PDGFB: variants seen among roughly 807,000 people sequenced by gnomAD.
PDGFB encodes the protein platelet derived growth factor subunit B, also known as platelet-derived growth factor subunit B.
PDGFB carries 6 observed loss-of-function variants against 29.0 expected under a neutral mutation model. The ratio of observed to expected loss-of-function variants is 0.21; its 90% CI spans 0.11 to 0.41. The LOEUF (loss-of-function observed/expected upper bound fraction) is 0.41, where lower values mean the gene tolerates loss of function less well. PDGFB is among the 10% of genes least tolerant of loss of function. The pLI is 1.00. For synonymous variants in PDGFB, 144 were observed against 140.8 expected (o/e 1.02, Z -0.16); for missense variants, 299 against 341.8 (o/e 0.87, Z 0.99).
chr22:39,238,930 G>A (rs1304223886), intron 1 of PDGFB, among the ~76,000 whole-genome samples: 4 of 152,242 alleles, frequency 2.6e-5, no homozygotes, highest in East Asian at 1.9e-4. Context: ...GGCACAGGAC[G>A]GCCTTCCCAA....
chr22:39,233,846 G>A (rs1161080281), intron 2 of PDGFB, among the ~76,000 whole-genome samples: 1 of 152,178 alleles, frequency 6.6e-6, no homozygotes, highest in African/African-American at 2.4e-5. Flanking sequence ...CCAGGGCGGG[G>A]CCGGGACCTA....
intron 1 of PDGFB, chr22:39,240,918 T>TGC (rs537103134): frequency 2.5e-5 from 33 of 1,298,018 alleles, no homozygotes; most frequent in Middle Eastern, 1.9e-4. Context: ...CTCTCTCAGA[T>TGC]GCGCACACAC....
chr22:39,234,345 G>C (rs1932388729), intron 2 of PDGFB, among the ~76,000 whole-genome samples: 1 of 152,180 alleles, frequency 6.6e-6, no homozygotes, highest in Non-Finnish European at 1.5e-5. Flanking sequence ...GCCAGAGGTT[G>C]GCTGCTGGGA....
rs1334143515 is a variant in PDGFB, at chr22:39,244,169, GAGGACCTGGGCGC to G, written c.-219_-207del. 3.5e-5 allele frequency: 10 copies of G among 288,750 alleles called. No individual in the cohort carries two copies. The highest frequency in any genetic ancestry group is 6.4e-5 in the Non-Finnish European group (10 of 155,822). The allele number at this position is 288,750 out of a possible 1,614,324, so 17.9% of individuals were successfully genotyped here. ...CCGGCTCCGTCGCTGGGGGGCAGGGGAGGACCTGGGCGCAGGACCTGGGTCCGAGGCCGCTACC... is the reference window on the plus strand; with the variant it reads ...CCGGCTCCGTCGCTGGGGGGCAGGGGAGGACCTGGGTCCGAGGCCGCTACC... On this transcript the variant is annotated 5_prime_UTR_variant, in exon 1 of 7. Coordinates refer to ENST00000331163, the MANE Select transcript of PDGFB (RefSeq NM_002608.4). This position sits in a 1 kb window ranked among gnomAD's most constrained non-coding sequence, Gnocchi z 4.5.
At position 39,223,915 on chromosome 22, in the gene PDGFB, C is replaced by T. The variant is rs989293215; in HGVS notation, c.*1427G>A. 2 of 152,246 alleles carry T rather than the reference C, an allele frequency of 1.3e-5. No individual in the cohort carries two copies. Among genetic ancestry groups the T allele is most frequent in the Non-Finnish European group, 1.5e-5 (1 of 68,034 alleles). 9.4% of individuals were successfully genotyped at this position (152,246 alleles called of 1,614,324 possible). A position where few individuals can be genotyped will look rare whatever the true frequency, so the allele number is the denominator to read the frequency against. The stretch of plus-strand genomic sequence containing the variant: ...TGGGGATCTTTTCCCTTCTCTCCCC[C>T]ATTCCCAGCCCACGAGCTGGTTTCC... On this transcript the variant is annotated 3_prime_UTR_variant, in exon 7 of 7. Coordinates refer to ENST00000331163, the MANE Select transcript of PDGFB (RefSeq NM_002608.4).
chr22:39,228,618 G>T (rs1382638974), intron 5 of PDGFB, among the ~76,000 whole-genome samples: 2 of 151,576 alleles, frequency 1.3e-5, no homozygotes, highest in East Asian at 3.9e-4. Context: ...GCTGGGCGTG[G>T]TGGCTCACGC....
chr22:39,239,264 G>C (rs1932513922), intron 1 of PDGFB, among the ~76,000 whole-genome samples: 1 of 152,160 alleles, frequency 6.6e-6, no homozygotes, highest in Admixed American at 6.5e-5. Flanking sequence ...ATGACAAGGA[G>C]TGGGTGGAGA....
Position 39,244,416 on chromosome 22 carries a change from G to T in PDGFB, c.-453C>A, listed in dbSNP as rs959466896. ...CTTTTTTGCAACATTTTCTGGAAAG[G>T]CCCCCAAAATCGGAAAGCGCGGAGC... On this transcript the variant is annotated 5_prime_UTR_variant, in exon 1 of 7. Transcript: ENST00000331163. The surrounding 1 kb of genome is among the most constrained non-coding windows in gnomAD (Gnocchi z 4.5). 1 of 185,304 alleles carries T rather than the reference G, an allele frequency of 5.4e-6. No individual in the cohort carries two copies. The highest frequency in any genetic ancestry group is 1.1e-5 in the Non-Finnish European group (1 of 87,088). The allele number at this position is 185,304 out of a possible 1,614,324, so 11.5% of individuals were successfully genotyped here. A position where few individuals can be genotyped will look rare whatever the true frequency, so the allele number is the denominator to read the frequency against.
At position 39,244,033 on chromosome 22, in the gene PDGFB, TG is replaced by T. The variant is rs1209209361; in HGVS notation, c.-71del. 2.6e-5 allele frequency: 4 copies of T among 152,594 alleles called. No homozygotes were observed. The highest frequency in any genetic ancestry group is 4.6e-5 in the South Asian group (1 of 21,530). The allele number at this position is 152,594 out of a possible 1,614,324, so 9.5% of individuals were successfully genotyped here. A position where few individuals can be genotyped will look rare whatever the true frequency, so the allele number is the denominator to read the frequency against. On this transcript the variant is annotated 5_prime_UTR_variant, in exon 1 of 7. Transcript: ENST00000331163. The surrounding 1 kb of genome is among the most constrained non-coding windows in gnomAD (Gnocchi z 4.5). ...GAGCGCGCCGCCCCCGCGGCCAGGGTGGGGGGCTGGGGAGGGGGGTGGGCTC... is the reference window on the plus strand; with the variant it reads ...GAGCGCGCCGCCCCCGCGGCCAGGGTGGGGGCTGGGGAGGGGGGTGGGCTC...
chr22:39,234,326 G>C (rs1274943005), intron 2 of PDGFB, among the ~76,000 whole-genome samples: 2 of 152,184 alleles, frequency 1.3e-5, no homozygotes, highest in Non-Finnish European at 2.9e-5. Context: ...GTCCTTTCCA[G>C]AGCCCATGGC....
At position 39,242,575 on chromosome 22, in the gene PDGFB, A is replaced by T. The variant is rs1932592837; in HGVS notation, c.63+1326T>A. Among the ~76,000 whole-genome samples, 1 of 149,832 alleles carries T rather than the reference A, an allele frequency of 6.7e-6. No homozygotes were observed. Among genetic ancestry groups the T allele is most frequent in the Non-Finnish European group, 1.5e-5 (1 of 67,290 alleles). ...TGCGGGCCGCGGGGGGCGGCCGCGG[A>T]AGGGCGGGGCCCCCGGGCGGGCGGC... On this transcript the variant is annotated intron_variant, in intron 1 of 6. Coordinates refer to ENST00000331163, the MANE Select transcript of PDGFB (RefSeq NM_002608.4). The surrounding 1 kb of genome is among the most constrained non-coding windows in gnomAD (Gnocchi z 5.7).
rs1056249543 is a variant in PDGFB at position 39,242,977 on chromosome 22, T to C, written c.63+924A>G. The C allele has an allele frequency of 4.7e-5, 11 of 232,592 alleles. No homozygotes were observed. The East Asian group carries it at 6.1e-4, about 13-fold the overall frequency. The allele number at this position is 232,592 out of a possible 1,614,324, so 14.4% of individuals were successfully genotyped here. On this transcript the variant is annotated intron_variant, in intron 1 of 6. Transcript: ENST00000331163. This position sits in a 1 kb window ranked among gnomAD's most constrained non-coding sequence, Gnocchi z 5.7. ...CACGGCTACGTGAGGCTGGGAGGGG[T>C]GGGGACGGCTCCGACCCCAGCGCTC...
At chr22:39,228,857 C>T (rs912901979) in intron 5 of PDGFB, among the ~76,000 whole-genome samples, 2 of 145,640 alleles carry the variant, frequency 1.4e-5, no homozygotes, top group Admixed American at 1.4e-4. Context: ...CCACTGTACT[C>T]CAGACTGCGT....
At position 39,224,060 on chromosome 22, in the gene PDGFB, C is replaced by T. The variant is rs1417023458; in HGVS notation, c.*1282G>A. 6.6e-6 allele frequency: 1 copy of T among 152,302 alleles called. No homozygotes were observed. Among genetic ancestry groups the T allele is most frequent in the Non-Finnish European group, 1.5e-5 (1 of 68,090 alleles). The allele number at this position is 152,302 out of a possible 1,614,324, so 9.4% of individuals were successfully genotyped here. ...TGGAGACCTTCTCCCAGGTGTCCCA[C>T]ACCCACCTGGAAGGGCAGTTGCTGG... On this transcript the variant is annotated 3_prime_UTR_variant, in exon 7 of 7. Coordinates refer to ENST00000331163, the MANE Select transcript of PDGFB (RefSeq NM_002608.4).
chr22:39,225,938 T>A (rs1179408287), intron 5 of PDGFB, 91 bp from the exon 6 acceptor site: 13 of 1,444,574 alleles, frequency 9.0e-6, no homozygotes, highest in Non-Finnish European at 1.0e-5. Flanking sequence ...CCTTCTGGGC[T>A]CAGGAAAGGG....
chr22:39,239,911 C>T (rs1932528995), intron 1 of PDGFB, among the ~76,000 whole-genome samples: 1 of 152,198 alleles, frequency 6.6e-6, no homozygotes, highest in Admixed American at 6.5e-5. Context: ...AAGGGACACA[C>T]AGGCCCAAGC....
intron 2 of PDGFB, among the ~76,000 whole-genome samples, chr22:39,234,844 A>C (rs914662906): frequency 6.6e-6 from 1 of 152,194 alleles, no homozygotes; most frequent in Admixed American, 6.5e-5. Context: ...GTGGGGGTGT[A>C]AAGGCTTGGA....
At chr22:39,235,929 T>C (rs907083983) in intron 1 of PDGFB, 55 bp from the exon 2 acceptor site, 14 of 1,189,154 alleles carry the variant, frequency 1.2e-5, no homozygotes, top group Non-Finnish European at 1.6e-5. Flanking sequence ...CTTTCCAGCA[T>C]GGCTGTCTCC....
intron 5 of PDGFB, among the ~76,000 whole-genome samples, chr22:39,229,315 T>G (rs9611123): frequency 0.37 from 56,512 of 151,888 alleles, 11,046 homozygotes; most frequent in Middle Eastern, 0.49. Flanking sequence ...GCCTCCTAAG[T>G]AGCTGAGACT....
Sources: gnomAD v4.1 joint callset for allele counts (sites outside exome capture counted in the v4.1 genomes callset) on GRCh38, gnomAD v4.1.1 for gene constraint, Gnocchi (gnomAD v3.1) non-coding constraint, MANE v1.5 for transcripts, NCBI Gene and HGNC (gene_info 2026-07-23, HGNC 2026-07-21) for gene names.